The following PRORP variants were observed in gnomAD, a reference collection of about 807,000 sequenced individuals.
PRORP encodes the protein protein only RNase P catalytic subunit, also known as mitochondrial ribonuclease P catalytic subunit.
In PRORP, 51 loss-of-function variants were observed where a neutral mutation model predicts 59.4. That is an observed-to-expected ratio of 0.86 (90% CI 0.69 to 1.08). The LOEUF is 1.08. PRORP is among the 50% of genes least tolerant of loss of function. The pLI is 0.00. For synonymous variants in PRORP, 231 were observed against 245.6 expected (o/e 0.94, Z 0.55); for missense variants, 646 against 690.3 (o/e 0.94, Z 0.72).
chr14:35,191,713 C>T (rs1182988342), intron 5 of PRORP, among the ~76,000 whole-genome samples: 3 of 152,182 alleles, frequency 2.0e-5, no homozygotes, highest in South Asian at 4.2e-4. Context: ...CAAAACCAAA[C>T]CAAAACAAAC....
chr14:35,196,645 A>G (rs964915391), intron 5 of PRORP, among the ~76,000 whole-genome samples: 12 of 152,208 alleles, frequency 7.9e-5, no homozygotes, highest in Non-Finnish European at 1.5e-4. Flanking sequence ...AATTCACTAA[A>G]GAACACAAAA....
intron 5 of PRORP, among the ~76,000 whole-genome samples, chr14:35,184,871 G>A (rs1026951107): frequency 3.2e-4 from 48 of 152,108 alleles, no homozygotes; most frequent in African/African-American, 1.2e-3. Flanking sequence ...TTTTTTGGCT[G>A]CATAGTACTC....
At position 35,151,322 on chromosome 14, in the gene PRORP, A is replaced by T. The variant is rs1595193914; in HGVS notation, c.1167+23711A>T. ...ATAAGATACTAGATTAGAAACAGTA[A>T]TACTGGTGCTGAAGACAGACAGCTT... On this transcript the variant is annotated intron_variant, in intron 4 of 7. Coordinates refer to ENST00000534898, the MANE Select transcript of PRORP (RefSeq NM_014672.4). 2.0e-5 allele frequency among the ~76,000 whole-genome samples: 3 copies of T among 152,066 alleles called. No individual in the cohort carries two copies. The South Asian group carries it at 6.2e-4, about 32-fold the overall frequency.
At chr14:35,135,730 C>T (rs8011195) in intron 4 of PRORP, among the ~76,000 whole-genome samples, 16,355 of 151,980 alleles carry the variant, frequency 0.11, 939 homozygotes, top group Middle Eastern at 0.17. Flanking sequence ...GTGGCCGAGG[C>T]GGGCAGATCA....
rs2051291386 is a variant in PRORP at position 35,276,127 on chromosome 14, G to C, written c.*2561G>C. The C allele has an allele frequency of 6.6e-6, 1 of 152,328 alleles. No homozygotes were observed. Among genetic ancestry groups the C allele is most frequent in the Non-Finnish European group, 1.5e-5 (1 of 68,164 alleles). 9.4% of individuals were successfully genotyped at this position (152,328 alleles called of 1,614,324 possible). A position where few individuals can be genotyped will look rare whatever the true frequency, so the allele number is the denominator to read the frequency against. On this transcript the variant is annotated 3_prime_UTR_variant, in exon 8 of 8. Coordinates refer to ENST00000534898, the MANE Select transcript of PRORP (RefSeq NM_014672.4). ...GTTGGAGACCAGCCTAGGCAACACAGGGAGACCCGTGTCGACAAAAAATTT... is the reference window on the plus strand; with the variant it reads ...GTTGGAGACCAGCCTAGGCAACACACGGAGACCCGTGTCGACAAAAAATTT...
chr14:35,159,791 C>T (rs1225726286), intron 4 of PRORP, among the ~76,000 whole-genome samples: 2 of 152,180 alleles, frequency 1.3e-5, no homozygotes, highest in African/African-American at 4.8e-5. Context: ...CTTGCTGAAA[C>T]CACACAGGTT....
At chr14:35,141,942 G>A (rs1318949397) in intron 4 of PRORP, among the ~76,000 whole-genome samples, 2 of 144,618 alleles carry the variant, frequency 1.4e-5, no homozygotes, top group Admixed American at 7.2e-5. Flanking sequence ...GCAATGGCAC[G>A]ATTTCGGCTC....
chr14:35,127,432 A>G (rs1335827789), intron 3 of PRORP, 47 bp from the exon 4 acceptor site: 14 of 1,386,600 alleles, frequency 1.0e-5, no homozygotes, highest in Middle Eastern at 4.2e-4. Flanking sequence ...TCCCCAGAAC[A>G]TTATTCGACA....
At chr14:35,153,142 C>T (rs79832141) in intron 4 of PRORP, among the ~76,000 whole-genome samples, 29,137 of 152,276 alleles carry the variant, frequency 0.19, 3,344 homozygotes, top group Non-Finnish European at 0.27. Flanking sequence ...AATCCCGGCA[C>T]CTCGGGAGGC....
chr14:35,168,538 G>A (rs1284409778), intron 4 of PRORP, among the ~76,000 whole-genome samples: 2 of 151,952 alleles, frequency 1.3e-5, no homozygotes, highest in African/African-American at 2.4e-5. Context: ...ATTGGGTTTA[G>A]TTGTCATGTT....
chr14:35,248,448 A>G (rs1238510343), intron 5 of PRORP, among the ~76,000 whole-genome samples: 1 of 152,096 alleles, frequency 6.6e-6, no homozygotes, highest in Non-Finnish European at 1.5e-5. Context: ...CATTTCTCTC[A>G]TTTTCATCAA....
At chr14:35,251,413 CT>C (rs1396666072) in intron 5 of PRORP, among the ~76,000 whole-genome samples, 1 of 152,150 alleles carries the variant, frequency 6.6e-6, no homozygotes, top group Non-Finnish European at 1.5e-5. Context: ...TTTCTCTTTC[CT>C]TTACCTTCTT....
chr14:35,171,047 C>G (rs1016601861), intron 4 of PRORP, among the ~76,000 whole-genome samples: 5 of 152,136 alleles, frequency 3.3e-5, no homozygotes, highest in Non-Finnish European at 7.3e-5. Flanking sequence ...TGGGGTTTCT[C>G]CATGTTGGTC....
chr14:35,181,954 G>A (rs2139044123), intron 5 of PRORP, among the ~76,000 whole-genome samples: 1 of 152,112 alleles, frequency 6.6e-6, no homozygotes, highest in South Asian at 2.1e-4. Context: ...TATAAACACT[G>A]TTGAAAGACA....
At chr14:35,206,627 C>G (rs185521144) in intron 5 of PRORP, among the ~76,000 whole-genome samples, 1 of 152,304 alleles carries the variant, frequency 6.6e-6, no homozygotes, top group Admixed American at 6.5e-5. Flanking sequence ...TACCATAAGT[C>G]TATAGACTAG....
chr14:35,251,744 G>A (rs865944165), intron 5 of PRORP, among the ~76,000 whole-genome samples: 4 of 151,744 alleles, frequency 2.6e-5, no homozygotes, highest in Non-Finnish European at 2.9e-5. Context: ...TAGTAGAGAC[G>A]GGGGTTTCAC....
intron 5 of PRORP, among the ~76,000 whole-genome samples, chr14:35,186,725 A>G (rs1034855302): frequency 1.3e-5 from 2 of 151,652 alleles, no homozygotes; most frequent in Admixed American, 1.3e-4. Context: ...CCAAGTAGCT[A>G]GAACTGCAGG....
At chr14:35,178,740 T>G (rs532025714) in intron 4 of PRORP, among the ~76,000 whole-genome samples, 2 of 118,994 alleles carry the variant, frequency 1.7e-5, no homozygotes, top group South Asian at 5.6e-4. Flanking sequence ...TTAGCCCATT[T>G]ACATTTAAGG....
At chr14:35,137,547 A>G (rs1400314220) in intron 4 of PRORP, among the ~76,000 whole-genome samples, 1 of 144,728 alleles carries the variant, frequency 6.9e-6, no homozygotes, top group African/African-American at 2.4e-5. Flanking sequence ...AAGGTTTGGA[A>G]TGGTTCTTGA....
Sources: allele counts gnomAD v4.1 joint callset (sites outside exome capture counted in the v4.1 genomes callset), GRCh38; gene constraint gnomAD v4.1.1; transcripts MANE v1.5; gene names NCBI Gene and HGNC (gene_info 2026-07-23, HGNC 2026-07-21).